The following ADAM22 variants were observed in gnomAD, a reference collection of about 807,000 sequenced individuals.
ADAM22 encodes disintegrin and metalloproteinase domain-containing protein 22.
In ADAM22, 65 loss-of-function variants were observed where a neutral mutation model predicts 144.6. The observed-to-expected ratio is 0.45, with a 90% CI of 0.37 to 0.55. The LOEUF is 0.55. Ranked by LOEUF, ADAM22 falls within the 20% of genes least tolerant of loss-of-function variation. The pLI, the probability that ADAM22 is intolerant of heterozygous loss-of-function variation, is 0.00. For missense variants in ADAM22, 974 were observed against 1,184.9 expected, an observed-to-expected ratio of 0.82 and a Z score of 2.61; for synonymous variants, 391 against 412.6, an observed-to-expected ratio of 0.95 and a Z score of 0.63.
At chr7:88,013,953 A>T (rs536447088) in intron 3 of ADAM22, among the ~76,000 whole-genome samples, 1 of 152,234 alleles carries the variant, frequency 6.6e-6, no homozygotes, top group Admixed American at 6.5e-5. Context: ...GAGTACCACT[A>T]TCTTTTTTCT....
chr7:87,961,228 G>A (rs1243859916), intron 2 of ADAM22, among the ~76,000 whole-genome samples: 1 of 152,002 alleles, frequency 6.6e-6, no homozygotes, highest in African/African-American at 2.4e-5. Flanking sequence ...TATATATAGA[G>A]AGAATAACCA....
intron 22 of ADAM22, among the ~76,000 whole-genome samples, chr7:88,161,969 G>A (rs923725296): frequency 2.6e-5 from 4 of 151,832 alleles, no homozygotes; most frequent in Admixed American, 2.0e-4. Flanking sequence ...AAACCCAAAG[G>A]AATATAAATC....
chr7:88,188,736 A>G (rs983195864), intron 30 of ADAM22, among the ~76,000 whole-genome samples: 6 of 152,202 alleles, frequency 3.9e-5, no homozygotes, highest in Admixed American at 6.5e-5. Context: ...TAGGAGACCC[A>G]AAGTGCATCC....
intron 3 of ADAM22, among the ~76,000 whole-genome samples, chr7:88,030,730 G>A (rs1325731077): frequency 2.0e-5 from 3 of 152,106 alleles, no homozygotes; most frequent in African/African-American, 7.2e-5. Context: ...AAATGTGCTT[G>A]TTTCCCCTTT....
chr7:88,003,083 A>G (rs1792957304), intron 3 of ADAM22, among the ~76,000 whole-genome samples: 1 of 152,236 alleles, frequency 6.6e-6, no homozygotes, highest in Non-Finnish European at 1.5e-5. Flanking sequence ...AGGGAAAATT[A>G]TGAAAACGCT....
At chr7:88,054,473 CTG>C (rs1394577596) in intron 3 of ADAM22, among the ~76,000 whole-genome samples, 2 of 152,142 alleles carry the variant, frequency 1.3e-5, no homozygotes, top group Non-Finnish European at 2.9e-5. Context: ...TCCCACCAGT[CTG>C]TTTTCCTTCA....
At chr7:88,007,302 T>C (rs1409328233) in intron 3 of ADAM22, among the ~76,000 whole-genome samples, 1 of 152,026 alleles carries the variant, frequency 6.6e-6, no homozygotes, top group African/African-American at 2.4e-5. Flanking sequence ...AGAATCAATA[T>C]CGTGAAAATG....
At chr7:88,068,928 TG>T (rs1027863295) in intron 3 of ADAM22, among the ~76,000 whole-genome samples, 2 of 152,198 alleles carry the variant, frequency 1.3e-5, no homozygotes, top group Non-Finnish European at 2.9e-5. Flanking sequence ...TTTGAATGTT[TG>T]TCACCTCTAA....
At chr7:88,107,907 A>G (rs968743670) in intron 4 of ADAM22, among the ~76,000 whole-genome samples, 9 of 152,172 alleles carry the variant, frequency 5.9e-5, no homozygotes, top group African/African-American at 1.7e-4. Flanking sequence ...GTGTATTTCA[A>G]TATCTCTTTC....
At chr7:87,969,613 C>T (rs904072904) in intron 2 of ADAM22, among the ~76,000 whole-genome samples, 1 of 152,112 alleles carries the variant, frequency 6.6e-6, no homozygotes, top group Admixed American at 6.5e-5. Context: ...TATTTTTGCT[C>T]TTTAAGAGAT....
At chr7:88,101,782 C>T (rs1486513885) in intron 4 of ADAM22, among the ~76,000 whole-genome samples, 1 of 152,160 alleles carries the variant, frequency 6.6e-6, no homozygotes, top group East Asian at 1.9e-4. Context: ...CAGTGAGGAG[C>T]TTCAGAATCA....
intron 2 of ADAM22, among the ~76,000 whole-genome samples, chr7:87,973,769 T>C (rs555705992): frequency 7.9e-5 from 12 of 152,288 alleles, no homozygotes; most frequent in Middle Eastern, 3.4e-3. Context: ...TGAAAAATGA[T>C]GAGCTCATGT....
At chr7:88,024,584 G>T (rs1415010382) in intron 3 of ADAM22, among the ~76,000 whole-genome samples, 1 of 151,516 alleles carries the variant, frequency 6.6e-6, no homozygotes, top group Admixed American at 6.6e-5. Context: ...AAGTTTTAGG[G>T]TACATGTGCA....
chr7:88,182,813 A>C lies in ADAM22; in HGVS notation c.2663+789A>C, dbSNP rs1011715215. 2.6e-5 allele frequency among the ~76,000 whole-genome samples: 4 copies of C among 152,266 alleles called. No homozygotes were observed. In the East Asian group the frequency reaches 7.7e-4, roughly 29 times the overall value. The stretch of plus-strand genomic sequence containing the variant: ...ACATCCTTAGTATCCTTTTGGACTG[A>C]ACTTGCCACCTGACTTTTTTTACCC... On this transcript the variant is annotated intron_variant, in intron 29 of 31. Transcript: ENST00000413139.
rs553116610 is a variant in ADAM22, at chr7:88,083,935, A to G, written c.390+8243A>G. Among the ~76,000 whole-genome samples, 17 of 152,278 alleles carry G rather than the reference A, an allele frequency of 1.1e-4. 1 individual carries two copies. In the South Asian group the frequency reaches 3.3e-3, roughly 30 times the overall value. ...TGGGAAAAAAAAATTACCTAGGGCTAGAATCTCCAGGTCCTTTTATTCCCA... is the reference window on the plus strand; with the variant it reads ...TGGGAAAAAAAAATTACCTAGGGCTGGAATCTCCAGGTCCTTTTATTCCCA... On this transcript the variant is annotated intron_variant, in intron 4 of 31. Transcript: ENST00000413139.
intron 12 of ADAM22, among the ~76,000 whole-genome samples, chr7:88,133,400 A>T (rs955156484): frequency 4.1e-5 from 6 of 145,456 alleles, no homozygotes; most frequent in African/African-American, 1.2e-4. Flanking sequence ...ATAAATAAAT[A>T]AAATTAAAAA....
chr7:88,061,923 G>C (rs1425768469), intron 3 of ADAM22, among the ~76,000 whole-genome samples: 1 of 146,830 alleles, frequency 6.8e-6, no homozygotes, highest in Non-Finnish European at 1.5e-5. Flanking sequence ...GCTCACTGCA[G>C]CCTAAACTTC....
intron 2 of ADAM22, among the ~76,000 whole-genome samples, chr7:87,963,290 CCCAGAAA>C (rs1285501637): frequency 6.6e-6 from 1 of 152,124 alleles, no homozygotes. Context: ...GAGGCAGCTT[CCCAGAAA>C]CCCAGTGGGG....
At chr7:88,163,280 T>A in intron 23 of ADAM22, 100 bp downstream of exon 23, 1 of 1,018,466 alleles carries the variant, frequency 9.8e-7, no homozygotes. Flanking sequence ...AAAAAATGAT[T>A]TTTCATATTT....
Sources: gnomAD v4.1 joint callset for allele counts (sites outside exome capture counted in the v4.1 genomes callset) on GRCh38, gnomAD v4.1.1 for gene constraint, MANE v1.5 for transcripts, NCBI Gene and HGNC (gene_info 2026-07-23, HGNC 2026-07-21) for gene names.